Variants in PANX1 observed in about 807,000 individuals in gnomAD.
The protein encoded by PANX1 is pannexin-1.
PANX1 carries 30 observed loss-of-function variants against 38.7 expected under a neutral mutation model. The ratio of observed to expected loss-of-function variants is 0.78; its 90% CI spans 0.58 to 1.05. The LOEUF (loss-of-function observed/expected upper bound fraction) is 1.05. Ranked by LOEUF, PANX1 falls within the 50% of genes least tolerant of loss-of-function variation. The pLI is 0.00. For synonymous variants in PANX1, 230 were observed against 212.2 expected (o/e 1.08, Z -0.73); for missense variants, 551 against 517.2 (o/e 1.07, Z -0.63).
chr11:94,174,985 T>C (rs1305994690), intron 2 of PANX1, among the ~76,000 whole-genome samples: 1 of 151,670 alleles, frequency 6.6e-6, no homozygotes, highest in Non-Finnish European at 1.5e-5. Context: ...ATTTGAGAAG[T>C]TTCCCTATTC....
chr11:94,153,422 CAT>C (rs1946908601), intron 1 of PANX1, 67 bp from the exon 2 acceptor site: 4 of 1,549,438 alleles, frequency 2.6e-6, no homozygotes, highest in East Asian at 2.3e-5. Context: ...AAACTAAAAA[CAT>C]GTGAGATGGG....
intron 1 of PANX1, among the ~76,000 whole-genome samples, chr11:94,135,983 C>T (rs1272361748): frequency 6.6e-6 from 1 of 152,136 alleles, no homozygotes; most frequent in Non-Finnish European, 1.5e-5. Flanking sequence ...ACTTACAATT[C>T]ATCTAAGCAG....
intron 2 of PANX1, among the ~76,000 whole-genome samples, chr11:94,160,805 A>G (rs112146869): frequency 0.056 from 8,457 of 152,050 alleles, 806 homozygotes; most frequent in African/African-American, 0.19. Flanking sequence ...AGTTGATGCA[A>G]TTTCTTCCTA....
chr11:94,134,194 G>A (rs1946661679), intron 1 of PANX1, among the ~76,000 whole-genome samples: 1 of 152,210 alleles, frequency 6.6e-6, no homozygotes, highest in Admixed American at 6.5e-5. Flanking sequence ...AGAAGGATGA[G>A]TGTGATCTGT....
chr11:94,154,054 G>C (rs891734965), intron 2 of PANX1, among the ~76,000 whole-genome samples: 1 of 152,204 alleles, frequency 6.6e-6, no homozygotes, highest in African/African-American at 2.4e-5. Context: ...CAGAAAGTAA[G>C]GACTGACCTA....
At chr11:94,129,576 C>A in intron 1 of PANX1, 83 bp downstream of exon 1, 1 of 1,251,500 alleles carries the variant, frequency 8.0e-7, no homozygotes, top group South Asian at 1.4e-5. Flanking sequence ...AGGCCCGAGT[C>A]TGGGTACGCC....
Position 94,129,348 on chromosome 11 carries a change from C to A in PANX1, c.36C>A (p.Phe12Leu). The change falls in exon 1 of 5, where the codon TTC becomes TTA. Residue 12 changes from phenylalanine to leucine, a missense_variant. Coordinates refer to ENST00000227638, the MANE Select transcript of PANX1 (RefSeq NM_015368.4). ...CTCAACTGGCCACGGAGTACGTGTT[C>A]TCGGATTTCTTGCTGAAGGAGCCCA... ...AIAQLATEYV[F>L]SDFLLKEPTE... 1 of 1,613,796 alleles carries A rather than the reference C, an allele frequency of 6.2e-7. No homozygotes were observed. The highest frequency in any genetic ancestry group is 1.1e-5 in the South Asian group (1 of 91,022).
At chr11:94,159,618 C>G (rs1334820710) in intron 2 of PANX1, among the ~76,000 whole-genome samples, 1 of 151,986 alleles carries the variant, frequency 6.6e-6, no homozygotes, top group Admixed American at 6.6e-5. Context: ...ATTCTTCTCT[C>G]TTTTCTTTAT....
intron 1 of PANX1, among the ~76,000 whole-genome samples, chr11:94,133,459 G>C (rs1449445736): frequency 1.3e-5 from 2 of 152,100 alleles, no homozygotes; most frequent in Non-Finnish European, 2.9e-5. Flanking sequence ...GATGTGCCCT[G>C]TGATAGTGAG....
intron 1 of PANX1, among the ~76,000 whole-genome samples, chr11:94,136,136 G>A (rs1946686313): frequency 6.6e-6 from 1 of 152,014 alleles, no homozygotes; most frequent in Non-Finnish European, 1.5e-5. Context: ...GTTTCCAGAA[G>A]GATGACATCA....
At chr11:94,152,492 A>T (rs1324669491) in intron 1 of PANX1, among the ~76,000 whole-genome samples, 1 of 152,148 alleles carries the variant, frequency 6.6e-6, no homozygotes, top group Non-Finnish European at 1.5e-5. Context: ...TGTGGAAGAG[A>T]GTGTGCCTGT....
intron 2 of PANX1, among the ~76,000 whole-genome samples, chr11:94,160,945 GC>G (rs1947023881): frequency 6.6e-6 from 1 of 152,176 alleles, no homozygotes; most frequent in Admixed American, 6.5e-5. Flanking sequence ...CTCAGCATTT[GC>G]TTTGCTGTAA....
intron 1 of PANX1, among the ~76,000 whole-genome samples, chr11:94,150,990 T>C (rs1362060648): frequency 6.6e-6 from 1 of 152,132 alleles, no homozygotes; most frequent in African/African-American, 2.4e-5. Context: ...TTTAAATGAA[T>C]GCTGCTACCA....
chr11:94,129,874 G>T (rs1946606780), intron 1 of PANX1, among the ~76,000 whole-genome samples: 1 of 152,186 alleles, frequency 6.6e-6, no homozygotes, highest in African/African-American at 2.4e-5. Flanking sequence ...CACCAGAGAA[G>T]TTCCTGAGTG....
chr11:94,159,063 G>GT (rs1330420855), intron 2 of PANX1, among the ~76,000 whole-genome samples: 7 of 152,170 alleles, frequency 4.6e-5, no homozygotes, highest in African/African-American at 1.7e-4. Flanking sequence ...ATTGATTTGC[G>GT]TATGTTGAAC....
At chr11:94,155,732 G>T (rs995017325) in intron 2 of PANX1, among the ~76,000 whole-genome samples, 10 of 152,154 alleles carry the variant, frequency 6.6e-5, no homozygotes, top group Non-Finnish European at 1.5e-4. Context: ...GTGGGCCCAT[G>T]TAGTTCAAAT....
At chr11:94,163,488 CT>C (rs1179217168) in intron 2 of PANX1, among the ~76,000 whole-genome samples, 4 of 152,100 alleles carry the variant, frequency 2.6e-5, no homozygotes, top group Non-Finnish European at 5.9e-5. Flanking sequence ...TGATCATATG[CT>C]TTTTGTCCTT....
At chr11:94,151,430 T>C (rs1341087682) in intron 1 of PANX1, among the ~76,000 whole-genome samples, 1 of 152,242 alleles carries the variant, frequency 6.6e-6, no homozygotes, top group Non-Finnish European at 1.5e-5. Context: ...AGGAACATTC[T>C]GGGCCAGGCA....
At chr11:94,170,436 C>T (rs977558543) in intron 2 of PANX1, among the ~76,000 whole-genome samples, 5 of 151,760 alleles carry the variant, frequency 3.3e-5, no homozygotes, top group South Asian at 2.1e-4. Context: ...TAAATTTGTA[C>T]GAGATTTTGT....
Sources: allele counts gnomAD v4.1 joint callset (sites outside exome capture counted in the v4.1 genomes callset), GRCh38; gene constraint gnomAD v4.1.1; transcripts MANE v1.5; gene names NCBI Gene and HGNC (gene_info 2026-07-23, HGNC 2026-07-21).